The following PHACTR4 variants were observed in gnomAD, a reference collection of about 807,000 sequenced individuals.
PHACTR4 encodes protein phosphatase 1, regulatory subunit 124.
In PHACTR4, 51 loss-of-function variants were observed where a neutral mutation model predicts 72.7. That is an observed-to-expected ratio of 0.70 (90% CI 0.56 to 0.89). The LOEUF (loss-of-function observed/expected upper bound fraction) is 0.89. Among genes scored for constraint, PHACTR4 ranks in the 40% least tolerant of loss-of-function variants. The pLI, the probability that PHACTR4 is intolerant of heterozygous loss-of-function variation, is 0.00. For synonymous variants in PHACTR4, 255 were observed against 302.5 expected (o/e 0.84, Z 1.63); for missense variants, 731 against 861.8 (o/e 0.85, Z 1.90).
intron 2 of PHACTR4, among the ~76,000 whole-genome samples, chr1:28,436,385 C>T (rs572551256): frequency 1.4e-4 from 21 of 151,988 alleles, no homozygotes; most frequent in Admixed American, 1.0e-3. Context: ...TACAGGTGCA[C>T]GCCACTCCAC....
intron 4 of PHACTR4, among the ~76,000 whole-genome samples, chr1:28,464,569 T>C (rs539862552): frequency 3.9e-5 from 6 of 152,306 alleles, no homozygotes; most frequent in African/African-American, 1.4e-4. Context: ...ATACTTTCTG[T>C]GATGCCTTCC....
chr1:28,439,274 A>C (rs1044473220), intron 2 of PHACTR4, among the ~76,000 whole-genome samples: 2 of 151,760 alleles, frequency 1.3e-5, no homozygotes, highest in African/African-American at 2.4e-5. Flanking sequence ...AAACATGTTC[A>C]GTCCTAGGCT....
chr1:28,423,842 T>C (rs972091167), intron 2 of PHACTR4, among the ~76,000 whole-genome samples: 3 of 152,202 alleles, frequency 2.0e-5, no homozygotes, highest in African/African-American at 4.8e-5. Context: ...ACACGTTCAA[T>C]TCATGTTAGC....
intron 2 of PHACTR4, among the ~76,000 whole-genome samples, chr1:28,458,773 TTTG>T (rs1303764333): frequency 6.6e-6 from 1 of 152,190 alleles, no homozygotes; most frequent in Non-Finnish European, 1.5e-5. Flanking sequence ...ATCTCATGCA[TTTG>T]TTAAGATATC....
At chr1:28,397,971 C>T (rs936856253) in intron 1 of PHACTR4, among the ~76,000 whole-genome samples, 1 of 151,928 alleles carries the variant, frequency 6.6e-6, no homozygotes, top group African/African-American at 2.4e-5. Flanking sequence ...CCTCGGCCTC[C>T]CAAAGTGCTG....
chr1:28,455,985 T>C (rs967469046), intron 2 of PHACTR4, among the ~76,000 whole-genome samples: 6 of 152,226 alleles, frequency 3.9e-5, no homozygotes, highest in Non-Finnish European at 5.9e-5. Flanking sequence ...CTGTTTTTTG[T>C]ATTCAGTGGC....
intron 2 of PHACTR4, among the ~76,000 whole-genome samples, chr1:28,422,953 A>T (rs1655602234): frequency 6.6e-6 from 1 of 152,142 alleles, no homozygotes; most frequent in African/African-American, 2.4e-5. Flanking sequence ...CGCCCAGCTA[A>T]TGTTTTTGTA....
At chr1:28,390,596 C>T (rs979639389) in intron 1 of PHACTR4, among the ~76,000 whole-genome samples, 1 of 151,934 alleles carries the variant, frequency 6.6e-6, no homozygotes, top group African/African-American at 2.4e-5. Flanking sequence ...TTGAGACCAG[C>T]CTGGCCAACA....
At chr1:28,388,545 C>T (rs897356510) in intron 1 of PHACTR4, among the ~76,000 whole-genome samples, 1 of 152,080 alleles carries the variant, frequency 6.6e-6, no homozygotes, top group African/African-American at 2.4e-5. Flanking sequence ...ATCCATGTCT[C>T]TCACCATCTT....
At chr1:28,383,859 T>C (rs1652369995) in intron 1 of PHACTR4, among the ~76,000 whole-genome samples, 1 of 152,198 alleles carries the variant, frequency 6.6e-6, no homozygotes, top group Non-Finnish European at 1.5e-5. Flanking sequence ...CTTCATTGAA[T>C]TTTTAACGTG....
chr1:28,483,688 A>G (rs1267261115), intron 9 of PHACTR4, among the ~76,000 whole-genome samples: 1 of 149,772 alleles, frequency 6.7e-6, no homozygotes, highest in Non-Finnish European at 1.5e-5. Flanking sequence ...TAGCCCAGCT[A>G]CTCGGGAGGC....
intron 2 of PHACTR4, among the ~76,000 whole-genome samples, chr1:28,457,473 C>T (rs2124462711): frequency 6.6e-6 from 1 of 151,924 alleles, no homozygotes; most frequent in Middle Eastern, 3.4e-3. Flanking sequence ...AGTGATGGTA[C>T]ATGCTTATAG....
At chr1:28,449,417 ATTG>A (rs1237075405) in intron 2 of PHACTR4, among the ~76,000 whole-genome samples, 1 of 152,184 alleles carries the variant, frequency 6.6e-6, no homozygotes, top group Admixed American at 6.6e-5. Flanking sequence ...CCTAGGGCAT[ATTG>A]TTTAATCCTG....
At chr1:28,424,777 C>G (rs1205372773) in intron 2 of PHACTR4, among the ~76,000 whole-genome samples, 2 of 151,786 alleles carry the variant, frequency 1.3e-5, no homozygotes, top group Non-Finnish European at 2.9e-5. Flanking sequence ...TGTGAGCCAC[C>G]GTGGCTGGCC....
intron 2 of PHACTR4, among the ~76,000 whole-genome samples, chr1:28,421,017 C>A (rs1268039321): frequency 6.6e-6 from 1 of 152,064 alleles, no homozygotes; most frequent in Non-Finnish European, 1.5e-5. Flanking sequence ...TTTGTAAGGT[C>A]TTGGGTGTAT....
chr1:28,447,909 A>G (rs937814384), intron 2 of PHACTR4, among the ~76,000 whole-genome samples: 15 of 152,136 alleles, frequency 9.9e-5, no homozygotes, highest in African/African-American at 3.4e-4. Context: ...GGCCTTCTCT[A>G]TACAAAGCCT....
intron 2 of PHACTR4, among the ~76,000 whole-genome samples, chr1:28,444,574 C>A (rs183762886): frequency 4.8e-4 from 72 of 150,922 alleles, no homozygotes; most frequent in African/African-American, 1.6e-3. Flanking sequence ...CTCTTCAGAT[C>A]ATTTGGTCTT....
chr1:28,475,235 G>A (rs139192667), intron 7 of PHACTR4, among the ~76,000 whole-genome samples: 1 of 151,712 alleles, frequency 6.6e-6, no homozygotes, highest in Non-Finnish European at 1.5e-5. Flanking sequence ...ATGGGTGTGA[G>A]CCACTGCGCC....
intron 2 of PHACTR4, among the ~76,000 whole-genome samples, chr1:28,450,747 G>C (rs899000743): frequency 2.0e-5 from 3 of 151,866 alleles, no homozygotes; most frequent in Non-Finnish European, 4.4e-5. Flanking sequence ...AGCCTACCGA[G>C]TATCTGGGAC....
Sources: allele counts gnomAD v4.1 joint callset (sites outside exome capture counted in the v4.1 genomes callset), GRCh38; gene constraint gnomAD v4.1.1; transcripts MANE v1.5; gene names NCBI Gene and HGNC (gene_info 2026-07-23, HGNC 2026-07-21).